The following ARHGEF10L variants were observed in gnomAD, a reference collection of about 807,000 sequenced individuals.
ARHGEF10L encodes rho guanine nucleotide exchange factor 10-like protein.
ARHGEF10L carries 69 observed loss-of-function variants against 141.2 expected under a neutral mutation model. The observed-to-expected ratio is 0.49, with a 90% CI of 0.40 to 0.60. ARHGEF10L has a LOEUF of 0.60. Among genes scored for constraint, ARHGEF10L ranks in the 20% least tolerant of loss-of-function variants. The pLI, the probability that ARHGEF10L is intolerant of heterozygous loss-of-function variation, is 0.00. For missense variants in ARHGEF10L, 1,482 were observed against 1,734.3 expected (o/e 0.85, Z 2.58); for synonymous variants, 711 against 718.5 (o/e 0.99, Z 0.17).
At chr1:17,612,459 C>T (rs551512923) in intron 7 of ARHGEF10L, among the ~76,000 whole-genome samples, 16 of 152,272 alleles carry the variant, frequency 1.1e-4, no homozygotes, top group African/African-American at 3.9e-4. Context: ...TCTATTCATT[C>T]ATCCATTTAT....
At chr1:17,684,760 G>A (rs1247846141) in intron 26 of ARHGEF10L, among the ~76,000 whole-genome samples, 1 of 152,180 alleles carries the variant, frequency 6.6e-6, no homozygotes, top group Non-Finnish European at 1.5e-5. Context: ...TCAGGGGTGG[G>A]CTGTGCAGTA....
rs775661277 is a variant in ARHGEF10L at position 17,627,447 on chromosome 1, G to T, written c.1528G>T (p.Val510Leu). 6.2e-7 allele frequency: 1 copy of T among 1,613,442 alleles called. No individual in the cohort carries two copies. Among genetic ancestry groups the T allele is most frequent in the Non-Finnish European group, 8.5e-7 (1 of 1,180,034 alleles). The change falls in exon 15 of 29, where the codon GTG becomes TTG. Residue 510 changes from valine to leucine, a missense_variant. Physicochemically the swap from Val to Leu is conservative, Grantham distance 32. Around this residue, in one of 3 missense-constraint regions of ARHGEF10L, gnomAD observed 392 missense variants for 542.1 expected, o/e 0.72. Transcript: ENST00000361221. The surrounding 1 kb of genome is among the most constrained non-coding windows in gnomAD (Gnocchi z 4.0). Reference sequence around the variant, plus strand: ...CGAGCAGAAGCGGCTGGCTGACCAGGTGGCTGAGATCCAGCAGCTGACCAA... The same window carrying T: ...CGAGCAGAAGCGGCTGGCTGACCAGTTGGCTGAGATCCAGCAGCTGACCAA... ...LNEQKRLADQ[V>L]AEIQQLTKSV...
rs1243527052 is a variant in ARHGEF10L, at chr1:17,558,092, G to C, written c.-44+18142G>C. Among the ~76,000 whole-genome samples, 2 of 151,614 alleles carry C rather than the reference G, an allele frequency of 1.3e-5. No homozygotes were observed. The highest frequency in any genetic ancestry group is 2.9e-5 in the Non-Finnish European group (2 of 67,938). On this transcript the variant is annotated intron_variant, in intron 1 of 28. Transcript: ENST00000361221. This position sits in a 1 kb window ranked among gnomAD's most constrained non-coding sequence, Gnocchi z 4.2. ...CATCCATCTGTCCATCTGTCCATCT[G>C]TCTACCCGTTTGTCCATTGTCCATC... is the stretch of plus-strand genomic sequence containing the variant.
chr1:17,696,596 A>G (rs1318263722), intron 28 of ARHGEF10L, among the ~76,000 whole-genome samples: 11 of 152,216 alleles, frequency 7.2e-5, no homozygotes, highest in Admixed American at 4.6e-4. Context: ...GCAAAGGCTC[A>G]GGAAATTCTT....
At chr1:17,580,277 C>T (rs187003972) in intron 1 of ARHGEF10L, among the ~76,000 whole-genome samples, 2 of 152,344 alleles carry the variant, frequency 1.3e-5, no homozygotes, top group Admixed American at 6.5e-5. Context: ...GGGATGAGGA[C>T]GGACACCCAG....
At chr1:17,692,969 C>T (rs949580522) in intron 27 of ARHGEF10L, among the ~76,000 whole-genome samples, 7 of 152,182 alleles carry the variant, frequency 4.6e-5, no homozygotes, top group South Asian at 2.1e-4. Context: ...AGCAGCCTCA[C>T]GCCTGCCTCC....
chr1:17,617,019 C>G (rs546790255), intron 9 of ARHGEF10L, among the ~76,000 whole-genome samples: 1 of 152,248 alleles, frequency 6.6e-6, no homozygotes, highest in East Asian at 1.9e-4. Flanking sequence ...TCCCACGCAG[C>G]AGATGAGGGA....
In ARHGEF10L at chr1:17,619,396, C is replaced by A. The variant is rs539282035; in HGVS notation, c.893C>A (p.Pro298His). The A allele has an allele frequency of 2.5e-6, 4 of 1,612,390 alleles. No individual in the cohort carries two copies. The highest frequency in any genetic ancestry group is 1.7e-6 in the Non-Finnish European group (2 of 1,179,650). Residue 298 changes from proline (P) to histidine (H), a missense_variant, in exon 10 of 29, where the codon CCC becomes CAC. By Grantham distance (77) the Pro-to-His change is moderately conservative. Coordinates refer to ENST00000361221, the MANE Select transcript of ARHGEF10L (RefSeq NM_018125.4). This position sits in a 1 kb window ranked among gnomAD's most constrained non-coding sequence, Gnocchi z 5.0. ...LLEVSVSDIK[P>H]PAPELGPMPE... ...GAGGTCAGCGTTTCGGACATCAAGC[C>A]CCCAGCCCCAGAGCTGGGCCCCATG...
chr1:17,532,478 G>A, the ARHGEF10L span, among the ~76,000 whole-genome samples: 1 of 152,284 alleles, frequency 6.6e-6, no homozygotes, highest in Admixed American at 6.5e-5. Flanking sequence ...GGCCCCCTGG[G>A]GCCTGTGGGG....
At chr1:17,571,184 A>C (rs576318598) in intron 1 of ARHGEF10L, among the ~76,000 whole-genome samples, 2 of 152,202 alleles carry the variant, frequency 1.3e-5, no homozygotes, top group Admixed American at 6.5e-5. Flanking sequence ...GGAACTGCCA[A>C]CCTGGAGGGA....
In ARHGEF10L at chr1:17,648,376, C is replaced by T. The variant is rs117906995; in HGVS notation, c.2273-178C>T. ...AACTCCCTGCCTGAGACCCTGGCCA[C>T]GGCATCACTCCTGAGGCTGGATTTC... On this transcript the variant is annotated intron_variant, in intron 21 of 28. Coordinates refer to ENST00000361221, the MANE Select transcript of ARHGEF10L (RefSeq NM_018125.4). Among the ~76,000 whole-genome samples the T allele has an allele frequency of 2.4e-3, 372 of 152,252 alleles. 12 individuals carry two copies. The East Asian group carries it at 0.062, about 25-fold the overall frequency.
intron 26 of ARHGEF10L, among the ~76,000 whole-genome samples, chr1:17,665,882 G>A (rs2062949401): frequency 6.6e-6 from 1 of 152,152 alleles, no homozygotes; most frequent in East Asian, 1.9e-4. Flanking sequence ...GCGAGCTGCC[G>A]GCATAGTTCA....
intron 26 of ARHGEF10L, among the ~76,000 whole-genome samples, chr1:17,669,691 G>T (rs181999236): frequency 2.0e-5 from 3 of 152,194 alleles, no homozygotes; most frequent in African/African-American, 7.2e-5. Flanking sequence ...CCATGAGCAC[G>T]CCTTCCGGGC....
In ARHGEF10L at chr1:17,588,440, T is replaced by C; in HGVS notation, c.224-6T>C. On this transcript the variant is annotated splice_region_variant and splice_polypyrimidine_tract_variant and intron_variant, in intron 3 of 28. Coordinates refer to ENST00000361221, the MANE Select transcript of ARHGEF10L (RefSeq NM_018125.4). ...GACAGGCTCTCTGTCTGCTCTTCTTTTGCAGACCCAGACCCAGCAGCTGCT... is the reference window on the plus strand; with the variant it reads ...GACAGGCTCTCTGTCTGCTCTTCTTCTGCAGACCCAGACCCAGCAGCTGCT... 1 of 1,613,906 alleles carries C rather than the reference T, an allele frequency of 6.2e-7. No individual in the cohort carries two copies. Among genetic ancestry groups the C allele is most frequent in the Non-Finnish European group, 8.5e-7 (1 of 1,179,888 alleles).
intron 21 of ARHGEF10L, among the ~76,000 whole-genome samples, chr1:17,643,832 G>C (rs1571205708): frequency 6.6e-6 from 1 of 152,318 alleles, no homozygotes; most frequent in Non-Finnish European, 1.5e-5. Flanking sequence ...ATGGGGAATG[G>C]CCTTTCTGAG....
At chr1:17,614,419 G>A (rs2059699623) in intron 8 of ARHGEF10L, among the ~76,000 whole-genome samples, 1 of 152,188 alleles carries the variant, frequency 6.6e-6, no homozygotes, top group African/African-American at 2.4e-5. Context: ...GTGTACTCGG[G>A]GACACCTTCT....
In ARHGEF10L at chr1:17,554,698, A is replaced by G. The variant is rs560245283; in HGVS notation, c.-44+14748A>G. On this transcript the variant is annotated intron_variant, in intron 1 of 28. Coordinates refer to ENST00000361221, the MANE Select transcript of ARHGEF10L (RefSeq NM_018125.4). ...TTTCCTGGGCTCAGGTGATCCTTCA[A>G]CCCACCTCAGCGTACCGAGTAACTG... Among the ~76,000 whole-genome samples, 493 of 150,106 alleles carry G rather than the reference A, an allele frequency of 3.3e-3. 3 individuals are homozygous for G. The highest frequency in any genetic ancestry group is 5.3e-3 in the Non-Finnish European group (359 of 67,650).
rs753269207 is a variant in ARHGEF10L at position 17,623,060 on chromosome 1, T to C, written c.1085T>C (p.Val362Ala). The change falls in exon 12 of 29, where the codon GTG (valine) becomes GCG (alanine). Residue 362 changes from valine (V) to alanine (A), a missense_variant. By Grantham distance (64) the Val-to-Ala change is moderately conservative (BLOSUM62 0). Transcript: ENST00000361221. This position sits in a 1 kb window ranked among gnomAD's most constrained non-coding sequence, Gnocchi z 4.7. ...KALSARKCQV[V>A]FFRVKEILHC... ...CTGAGCGCCCGCAAGTGCCAGGTGG[T>C]GTTCTTCCGCGTGAAGGAGATCCTG... 2.5e-6 allele frequency: 4 copies of C among 1,613,892 alleles called. No homozygotes were observed. The highest frequency in any genetic ancestry group is 1.3e-5 in the African/African-American group (1 of 74,896).
At chr1:17,687,380 C>T (rs925220007) in intron 26 of ARHGEF10L, among the ~76,000 whole-genome samples, 193 bp from the exon 27 acceptor site, 1 of 152,232 alleles carries the variant, frequency 6.6e-6, no homozygotes, top group Admixed American at 6.5e-5. Flanking sequence ...AAACTTTGGC[C>T]AACACAGCAC....
Sources: allele counts gnomAD v4.1 joint callset (sites outside exome capture counted in the v4.1 genomes callset), GRCh38; gene constraint gnomAD v4.1.1; regional missense constraint gnomAD v4.1.1; non-coding constraint Gnocchi (gnomAD v3.1); transcripts MANE v1.5; gene names NCBI Gene and HGNC (gene_info 2026-07-23, HGNC 2026-07-21).